LPAR1: variants seen among roughly 807,000 people sequenced by gnomAD.
The protein encoded by LPAR1 is lysophosphatidic acid receptor 1.
LPAR1 carries 5 observed loss-of-function variants against 23.8 expected under a neutral mutation model. The ratio of observed to expected loss-of-function variants is 0.21; its 90% CI spans 0.11 to 0.44. The LOEUF is 0.44. LPAR1 is among the 20% of genes least tolerant of loss of function. The probability of loss-of-function intolerance (pLI) is 0.99; values close to 1 mark genes in which losing one functional copy is unlikely to be tolerated. For missense variants in LPAR1, 311 were observed against 482.8 expected (o/e 0.64, Z 3.33); for synonymous variants, 160 against 164.7 (o/e 0.97, Z 0.22).
At chr9:110,887,126 G>A (rs1313490221) in intron 5 of LPAR1, among the ~76,000 whole-genome samples, 2 of 152,088 alleles carry the variant, frequency 1.3e-5, no homozygotes, top group African/African-American at 4.8e-5. Flanking sequence ...CTCATAGAAT[G>A]TAGCTGATGA....
chr9:110,941,953 T>C lies in LPAR1; in HGVS notation c.261A>G (p.Leu87=), dbSNP rs763056778. The C allele has an allele frequency of 5.0e-6, 8 of 1,613,944 alleles. No homozygotes were observed. The African/African-American group carries it at 8.0e-5, about 16-fold the overall frequency. ...NRRFHFPIYY[L]MANLAAADFF... is the part of the protein sequence containing the mutation. The stretch of plus-strand genomic sequence containing the variant: ...AGTCTGCAGCAGCCAGATTAGCCAT[T>C]AGGTAATAAATAGGAAAATGGAAGC... The change falls in exon 5 of 6, where the codon CTA becomes CTG. Residue 87 remains leucine, a synonymous_variant. Coordinates refer to ENST00000683809, the MANE Select transcript of LPAR1 (RefSeq NM_001351411.2). This position sits in a 1 kb window ranked among gnomAD's most constrained non-coding sequence, Gnocchi z 6.1.
intron 2 of LPAR1, among the ~76,000 whole-genome samples, chr9:110,987,037 A>G (rs2096796949): frequency 1.3e-5 from 2 of 152,228 alleles, no homozygotes; most frequent in Admixed American, 1.3e-4. Flanking sequence ...ATATTAGGGA[A>G]ATGTGTGTAT....
At chr9:110,971,635 AGAGT>A (rs2096422655) in intron 4 of LPAR1, among the ~76,000 whole-genome samples, 1 of 152,190 alleles carries the variant, frequency 6.6e-6, no homozygotes, top group African/African-American at 2.4e-5. Flanking sequence ...TCAAGGCAAA[AGAGT>A]AAGTATAGGA....
chr9:110,975,238 C>CTTACT (rs2096530732), intron 2 of LPAR1, among the ~76,000 whole-genome samples: 1 of 151,994 alleles, frequency 6.6e-6, no homozygotes, highest in Admixed American at 6.6e-5. Flanking sequence ...AATAGAGGCA[C>CTTACT]CTAGCTTAGA....
chr9:110,928,272 G>A (rs141844592), intron 5 of LPAR1, among the ~76,000 whole-genome samples: 8 of 151,988 alleles, frequency 5.3e-5, no homozygotes, highest in Admixed American at 6.5e-5. Flanking sequence ...AAATGCTTTC[G>A]GACAGATTTC....
At chr9:110,939,187 T>C (rs1181181564) in intron 5 of LPAR1, among the ~76,000 whole-genome samples, 1 of 152,136 alleles carries the variant, frequency 6.6e-6, no homozygotes, top group Non-Finnish European at 1.5e-5. Flanking sequence ...TAGGGGAGCA[T>C]ACTGTAGGAA....
chr9:110,917,222 G>C (rs951190171), intron 5 of LPAR1, among the ~76,000 whole-genome samples: 12 of 151,412 alleles, frequency 7.9e-5, no homozygotes, highest in Non-Finnish European at 1.2e-4. Flanking sequence ...GGTGGTACAT[G>C]CCTGTAATCC....
intron 4 of LPAR1, among the ~76,000 whole-genome samples, chr9:110,959,170 C>CAAGA (rs1478689514): frequency 1.7e-4 from 14 of 81,156 alleles, no homozygotes; most frequent in Admixed American, 1.5e-3. Context: ...GATGTCTCTA[C>CAAGA]AAAAAAAAAA....
intron 5 of LPAR1, among the ~76,000 whole-genome samples, chr9:110,892,826 A>AAGGT (rs1334842271): frequency 1.5e-5 from 1 of 65,430 alleles, no homozygotes; most frequent in African/African-American, 8.1e-5. Flanking sequence ...GGAAGGAAGG[A>AAGGT]AGGCAGGCAG....
intron 2 of LPAR1, among the ~76,000 whole-genome samples, chr9:111,030,081 T>C (rs2097770097): frequency 1.3e-5 from 2 of 149,406 alleles, no homozygotes; most frequent in South Asian, 2.1e-4. Flanking sequence ...TTTAGTGTCC[T>C]CAGCCAAACG....
At chr9:110,946,600 G>A (rs2095389304) in intron 4 of LPAR1, among the ~76,000 whole-genome samples, 1 of 151,910 alleles carries the variant, frequency 6.6e-6, no homozygotes, top group Non-Finnish European at 1.5e-5. Flanking sequence ...CAGAAAGAAT[G>A]CCATCTACAT....
intron 2 of LPAR1, among the ~76,000 whole-genome samples, chr9:110,997,213 G>A (rs2097030242): frequency 6.6e-6 from 1 of 152,090 alleles, no homozygotes. Context: ...CAAAGCAAAG[G>A]GCAGATATTC....
chr9:110,999,382 C>T lies in LPAR1; in HGVS notation c.-181-25824G>A, dbSNP rs756060084. The T allele has an allele frequency of 7.7e-5, 35 of 455,902 alleles. 1 individual carries two copies. Among genetic ancestry groups the T allele is most frequent in the South Asian group, 5.4e-4 (35 of 64,516 alleles). The allele number at this position is 455,902 out of a possible 1,614,324, so 28.2% of individuals were successfully genotyped here. On this transcript the variant is annotated intron_variant, in intron 2 of 5. Coordinates refer to ENST00000683809, the MANE Select transcript of LPAR1 (RefSeq NM_001351411.2). ...AAATAAATTAGAAGGTTCAGACCTC[C>T]CCCACCCTACCTCATTTTCCAGAAC...
At chr9:110,999,417 A>T (rs981138962) in intron 2 of LPAR1, 1 of 456,086 alleles carries the variant, frequency 2.2e-6, no homozygotes, top group African/African-American at 2.0e-5. Context: ...CACTGGAATG[A>T]GCAGGAATGA....
At position 110,896,787 on chromosome 9, in the gene LPAR1, C is replaced by CTTT. The variant is rs3030133; in HGVS notation, c.794-21068_794-21066dup. ...TGAATATGCAACTATTTAGTGAAATCTTTTTTTTTTTTTTTTTTGAGATGG... is the reference window on the plus strand; with the variant it reads ...TGAATATGCAACTATTTAGTGAAATCTTTTTTTTTTTTTTTTTTTTTGAGATGG... On this transcript the variant is annotated intron_variant, in intron 5 of 5. Transcript: ENST00000683809. Among the ~76,000 whole-genome samples, 192 of 126,316 alleles carry CTTT rather than the reference C, an allele frequency of 1.5e-3. 4 individuals carry two copies. The highest frequency in any genetic ancestry group is 3.0e-3 in the Admixed American group (36 of 11,982). The allele number at this position is 126,316 out of a possible 152,430, so 82.9% of individuals were successfully genotyped here.
At chr9:111,015,431 C>G (rs770253649) in intron 2 of LPAR1, among the ~76,000 whole-genome samples, 1 of 152,142 alleles carries the variant, frequency 6.6e-6, no homozygotes, top group Non-Finnish European at 1.5e-5. Context: ...TGCCTTAACT[C>G]AAGCCCTCTT....
chr9:110,993,980 G>T (rs187596910), intron 2 of LPAR1, among the ~76,000 whole-genome samples: 1 of 152,114 alleles, frequency 6.6e-6, no homozygotes, highest in African/African-American at 2.4e-5. Context: ...CCAAAAAATT[G>T]ATATTTACAA....
intron 4 of LPAR1, among the ~76,000 whole-genome samples, chr9:110,953,071 A>C (rs1212190862): frequency 6.6e-6 from 1 of 152,126 alleles, no homozygotes; most frequent in Non-Finnish European, 1.5e-5. Flanking sequence ...CACAGTATGG[A>C]CCACCTGGAT....
chr9:110,918,781 A>T (rs1536437), intron 5 of LPAR1, among the ~76,000 whole-genome samples: 1 of 152,360 alleles, frequency 6.6e-6, no homozygotes, highest in East Asian at 1.9e-4. Context: ...ATTCCTGGCA[A>T]AAACTTTTTA....
Sources: gnomAD v4.1 joint callset for allele counts (sites outside exome capture counted in the v4.1 genomes callset) on GRCh38, gnomAD v4.1.1 for gene constraint, Gnocchi (gnomAD v3.1) non-coding constraint, MANE v1.5 for transcripts, NCBI Gene and HGNC (gene_info 2026-07-23, HGNC 2026-07-21) for gene names.